Variants in ZNF385C observed in about 807,000 individuals in gnomAD.
The protein encoded by ZNF385C is zinc finger protein 385C, also known as CTD-2132N18.2.
Under a neutral mutation model 35.4 loss-of-function variants are expected in ZNF385C, and 28 were observed. That is an observed-to-expected ratio of 0.79 (90% CI 0.59 to 1.08). ZNF385C has a LOEUF of 1.08. ZNF385C is among the 50% of genes least tolerant of loss of function. The pLI, the probability that ZNF385C is intolerant of heterozygous loss-of-function variation, is 0.00. For synonymous variants in ZNF385C, 248 were observed against 248.2 expected (o/e 1.00, Z 0.01); for missense variants, 605 against 595.6 (o/e 1.02, Z -0.16).
chr17:42,051,838 T>A (rs1165488509), intron 2 of ZNF385C, among the ~76,000 whole-genome samples: 2 of 152,136 alleles, frequency 1.3e-5, no homozygotes, highest in Non-Finnish European at 2.9e-5. Flanking sequence ...GCAGCACTGC[T>A]CTGTGCCACC....
chr17:42,080,738 C>T (rs2053739254), intron 1 of ZNF385C, among the ~76,000 whole-genome samples: 1 of 152,194 alleles, frequency 6.6e-6, no homozygotes, highest in African/African-American at 2.4e-5. Flanking sequence ...CTTTCAAAAC[C>T]AGCTGAGAGG....
intron 3 of ZNF385C, among the ~76,000 whole-genome samples, chr17:42,037,480 G>A (rs1308380542): frequency 6.6e-6 from 1 of 151,882 alleles, no homozygotes; most frequent in Non-Finnish European, 1.5e-5. Context: ...ACAGGCCCTT[G>A]CAGGCCCAGC....
At chr17:42,092,752 G>C (rs915752683) in intron 1 of ZNF385C, among the ~76,000 whole-genome samples, 2 of 152,220 alleles carry the variant, frequency 1.3e-5, no homozygotes, top group Non-Finnish European at 2.9e-5. Context: ...CTCTCAGCAG[G>C]GAGTGGGGGA....
chr17:42,052,004 C>T (rs1223465427), intron 2 of ZNF385C, among the ~76,000 whole-genome samples: 3 of 152,184 alleles, frequency 2.0e-5, no homozygotes, highest in Non-Finnish European at 4.4e-5. Context: ...CGAGTGGCAC[C>T]ACACAGCCCT....
At chr17:42,093,083 T>C (rs1555660706) in intron 1 of ZNF385C, among the ~76,000 whole-genome samples, 1 of 152,200 alleles carries the variant, frequency 6.6e-6, no homozygotes, top group Non-Finnish European at 1.5e-5. Context: ...CAGCCGCTCC[T>C]GTGCAAGAAG....
intron 2 of ZNF385C, chr17:42,041,111 C>T (rs1032369413): frequency 4.1e-6 from 5 of 1,232,148 alleles, no homozygotes; most frequent in South Asian, 4.1e-5. Context: ...TCTCTGGTCT[C>T]GTCCAACACC....
chr17:42,040,674 G>C, intron 2 of ZNF385C: 9 of 1,232,326 alleles, frequency 7.3e-6, no homozygotes, highest in Non-Finnish European at 9.1e-6. Flanking sequence ...GGGAGGCCCA[G>C]GGCACTGGCC....
chr17:42,039,748 T>G (rs2052960291), intron 2 of ZNF385C: 3 of 1,232,386 alleles, frequency 2.4e-6, no homozygotes, highest in Non-Finnish European at 3.0e-6. Flanking sequence ...CCACCCACTC[T>G]CTAAGAACTC....
intron 2 of ZNF385C, among the ~76,000 whole-genome samples, chr17:42,046,080 A>G (rs560477759): frequency 3.2e-4 from 48 of 152,308 alleles, no homozygotes; most frequent in African/African-American, 9.9e-4. Flanking sequence ...CCCTTCTGCC[A>G]TGCTGATCCC....
intron 3 of ZNF385C, among the ~76,000 whole-genome samples, chr17:42,035,050 C>G (rs1217523465): frequency 5.0e-5 from 6 of 120,286 alleles, no homozygotes; most frequent in African/African-American, 1.9e-4. Flanking sequence ...ACCTCAGAGG[C>G]AGAGGTTGCA....
At chr17:42,066,991 C>G (rs1555658488) in intron 1 of ZNF385C, among the ~76,000 whole-genome samples, 3 of 152,204 alleles carry the variant, frequency 2.0e-5, no homozygotes, top group Non-Finnish European at 2.9e-5. Context: ...ATTGCTTGAA[C>G]CTGGGAGGCA....
Position 42,071,178 on chromosome 17 carries a change from C to T in ZNF385C, c.-2-8120G>A, listed in dbSNP as rs73986515. On this transcript the variant is annotated intron_variant, in intron 1 of 8. Coordinates refer to ENST00000692273, the MANE Select transcript of ZNF385C (RefSeq NM_001392013.1). Reference sequence around the variant, plus strand: ...GCTCCAGGTGCCAGGTGAGGGGTTCCGCTGGACACACCCAAGGCACCATGT... The same window carrying T: ...GCTCCAGGTGCCAGGTGAGGGGTTCTGCTGGACACACCCAAGGCACCATGT... Among the ~76,000 whole-genome samples the T allele has an allele frequency of 6.5e-3, 928 of 142,600 alleles. 4 individuals carry two copies. The highest frequency in any genetic ancestry group is 0.013 in the African/African-American group (470 of 36,012). 93.6% of individuals were successfully genotyped at this position (142,600 alleles called of 152,430 possible). A position where few individuals can be genotyped will look rare whatever the true frequency, so the allele number is the denominator to read the frequency against.
chr17:42,085,718 C>G lies in ZNF385C; in HGVS notation c.-3+12692G>C, dbSNP rs548258963. Among the ~76,000 whole-genome samples the G allele has an allele frequency of 3.3e-5, 5 of 151,776 alleles. No homozygotes were observed. The East Asian group carries it at 9.8e-4, about 30-fold the overall frequency. ...GTTCAAGCGATTCTCCCGCCTTAGA[C>G]TCCCCAGTAGCTGGGATTACAGGCG... On this transcript the variant is annotated intron_variant, in intron 1 of 8. Transcript: ENST00000692273.
intron 2 of ZNF385C, among the ~76,000 whole-genome samples, chr17:42,051,572 G>C (rs901947554): frequency 2.5e-4 from 38 of 152,194 alleles, no homozygotes; most frequent in African/African-American, 7.9e-4. Flanking sequence ...GACAGAAATG[G>C]GTCTGAAGAC....
In ZNF385C at chr17:42,062,946, T is replaced by G. The variant is rs541017130; in HGVS notation, c.111A>C (p.Arg37Ser). 1 of 695,740 alleles carries G rather than the reference T, an allele frequency of 1.4e-6. No individual in the cohort carries two copies. Among genetic ancestry groups the G allele is most frequent in the East Asian group, 2.8e-5 (1 of 36,280 alleles). The allele number at this position is 695,740 out of a possible 1,614,324, so 43.1% of individuals were successfully genotyped here. The change falls in exon 2 of 9, where the codon AGA becomes AGC. Residue 37 changes from arginine (R) to serine (S), a missense_variant. Transcript: ENST00000692273. The part of the protein sequence containing the change: ...PPEPPKPKRE[R>S]KRPSYTLCDV... ...CACAGAGCGTGTACGATGGCCGCTT[T>G]CTTTCTCGCTTGGGCTTAGGTGGTT...
intron 1 of ZNF385C, among the ~76,000 whole-genome samples, chr17:42,092,165 C>T (rs541214544): frequency 2.0e-5 from 3 of 152,172 alleles, no homozygotes; most frequent in South Asian, 2.1e-4. Context: ...TTTGGGAGGC[C>T]GAGGTGGGTG....
At chr17:42,066,518 G>A (rs1314394930) in intron 1 of ZNF385C, among the ~76,000 whole-genome samples, 13 of 152,268 alleles carry the variant, frequency 8.5e-5, no homozygotes, top group South Asian at 6.2e-4. Flanking sequence ...TGTGCATGTC[G>A]TAGTGTAGCT....
intron 2 of ZNF385C, among the ~76,000 whole-genome samples, chr17:42,054,011 C>G (rs1349094607): frequency 6.6e-6 from 1 of 152,208 alleles, no homozygotes; most frequent in African/African-American, 2.4e-5. Context: ...TGGGCCCTGT[C>G]TCTCTTTGCC....
intron 2 of ZNF385C, chr17:42,043,566 G>A (rs782727840): frequency 2.4e-6 from 1 of 422,902 alleles, no homozygotes; most frequent in Non-Finnish European, 4.0e-6. Flanking sequence ...GTGGGAGACT[G>A]GAGATGAAAG....
Sources: allele counts gnomAD v4.1 joint callset (sites outside exome capture counted in the v4.1 genomes callset), GRCh38; gene constraint gnomAD v4.1.1; transcripts MANE v1.5; gene names NCBI Gene and HGNC (gene_info 2026-07-23, HGNC 2026-07-21).